NR1I3: variants seen among roughly 807,000 people sequenced by gnomAD.
NR1I3 encodes the protein constitutive activator of retinoid response.
In NR1I3, 30 loss-of-function variants were observed where a neutral mutation model predicts 38.4. The observed-to-expected ratio is 0.78, with a 90% confidence interval of 0.58 to 1.06. The LOEUF is 1.06. NR1I3 is among the 50% of genes least tolerant of loss of function. The pLI is 0.00. For synonymous variants in NR1I3, 143 were observed against 165.1 expected, an observed-to-expected ratio of 0.87 and a Z score of 1.03; for missense variants, 388 against 435.7, an observed-to-expected ratio of 0.89 and a Z score of 0.97.
intron 4 of NR1I3, 105 bp downstream of exon 4, chr1:161,233,064 G>T: frequency 6.3e-7 from 1 of 1,576,330 alleles, no homozygotes; most frequent in Non-Finnish European, 8.7e-7. Flanking sequence ...GGGTTCTGGA[G>T]ATCTGTTCTC....
intron 3 of NR1I3, among the ~76,000 whole-genome samples, chr1:161,234,233 C>T (rs1668119685): frequency 2.0e-5 from 3 of 151,464 alleles, no homozygotes; most frequent in African/African-American, 4.9e-5. Flanking sequence ...GAACTCCTGA[C>T]CTCAAGTGAT....
chr1:161,232,673 C>T, intron 5 of NR1I3, 134 bp downstream of exon 5: 2 of 883,252 alleles, frequency 2.3e-6, no homozygotes, highest in South Asian at 3.1e-5. Flanking sequence ...ACATTTAAAA[C>T]CAAAGCTGGG....
At chr1:161,232,290 A>C (rs1000251589) in intron 5 of NR1I3, among the ~76,000 whole-genome samples, 1 of 149,806 alleles carries the variant, frequency 6.7e-6, no homozygotes, top group African/African-American at 2.5e-5. Context: ...CTGGCCTATT[A>C]TTATTATTTT....
intron 2 of NR1I3, chr1:161,236,204 G>T: frequency 1.6e-6 from 1 of 639,886 alleles, no homozygotes; most frequent in South Asian, 2.0e-5. Flanking sequence ...TGCTTCACAG[G>T]CAGTGGGTAC....
chr1:161,232,334 G>C (rs1490801935), intron 5 of NR1I3, among the ~76,000 whole-genome samples: 1 of 151,916 alleles, frequency 6.6e-6, no homozygotes. Flanking sequence ...GTCTCACTCT[G>C]TCACCCAGGC....
In NR1I3 at chr1:161,236,569, G is replaced by A. The variant is rs768587526; in HGVS notation, c.-4C>T. The stretch of plus-strand genomic sequence containing the variant: ...GCTCATCTTCCCTACTGGCCATGAC[G>A]TCACGTGTTGGGGTGGCTGTCACAG... On this transcript the variant is annotated 5_prime_UTR_variant, in exon 2 of 9. It adds an upstream start codon to the 5' untranslated region. Coordinates refer to ENST00000367983, the MANE Select transcript of NR1I3 (RefSeq NM_005122.5). 1.2e-5 allele frequency: 20 copies of A among 1,614,006 alleles called. No homozygotes were observed. The highest frequency in any genetic ancestry group is 3.3e-5 in the South Asian group (3 of 91,076).
chr1:161,234,374 A>C (rs768954267), intron 3 of NR1I3, among the ~76,000 whole-genome samples: 101 of 152,292 alleles, frequency 6.6e-4, no homozygotes, highest in South Asian at 2.7e-3. Flanking sequence ...AATAAGTAAT[A>C]TAGATTGAAT....
intron 5 of NR1I3, among the ~76,000 whole-genome samples, chr1:161,231,979 A>G (rs1187515050): frequency 1.3e-5 from 2 of 150,416 alleles, no homozygotes; most frequent in African/African-American, 2.4e-5. Context: ...GCACCTTATT[A>G]TTATTCTTAT....
rs779169935 is a variant in NR1I3, at chr1:161,236,537, T to A, written c.29A>T (p.Asn10Ile). 1.2e-6 allele frequency: 2 copies of A among 1,614,034 alleles called. No individual in the cohort carries two copies. The highest frequency in any genetic ancestry group is 1.3e-5 in the African/African-American group (1 of 75,010). Reference protein sequence around the residue: MASREDELRNCVVCGDQATG... With the variant: MASREDELRICVVCGDQATG... ...GGCTTGGTCCCCACATACCACACAG[T>A]TCCTCAGCTCATCTTCCCTACTGGC... Residue 10 changes from asparagine to isoleucine, a missense_variant, in exon 2 of 9, where the codon AAC becomes ATC. Coordinates refer to ENST00000367983, the MANE Select transcript of NR1I3 (RefSeq NM_005122.5).
Position 161,232,873 on chromosome 1 carries a change from A to T in NR1I3, c.482T>A (p.Phe161Tyr). The change falls in exon 5 of 9, where the codon TTC becomes TAC. Residue 161 changes from phenylalanine (F) to tyrosine (Y), a missense_variant. Coordinates refer to ENST00000367983, the MANE Select transcript of NR1I3 (RefSeq NM_005122.5). ...TACCATGAAAGTGTTGATGTCTGCG[A>T]AGTGTGTGACCAGAGGCAGCACAGG... ...LAPVLPLVTH[F>Y]ADINTFMVLQ... 6.2e-7 allele frequency: 1 copy of T among 1,614,240 alleles called. No individual in the cohort carries two copies. The highest frequency in any genetic ancestry group is 8.5e-7 in the Non-Finnish European group (1 of 1,180,034).
At chr1:161,236,406 C>T (rs1398956625) in intron 2 of NR1I3, 53 bp downstream of exon 2, 1 of 1,607,534 alleles carries the variant, frequency 6.2e-7, no homozygotes, top group Admixed American at 1.7e-5. Context: ...TAAAGGCTGA[C>T]TAATAGGGAG....
rs773552182 is a variant in NR1I3 at position 161,235,997 on chromosome 1, T to C, written c.108-20A>G. On this transcript the variant is annotated intron_variant, in intron 2 of 8. Coordinates refer to ENST00000367983, the MANE Select transcript of NR1I3 (RefSeq NM_005122.5). ...GTTCTCCTGTGAGACACAGAGATGTTGTTAGAGTCTGGGATGCAATGGATA... is the reference window on the plus strand; with the variant it reads ...GTTCTCCTGTGAGACACAGAGATGTCGTTAGAGTCTGGGATGCAATGGATA... The C allele has an allele frequency of 6.4e-7, 1 of 1,567,554 alleles. No homozygotes were observed. The highest frequency in any genetic ancestry group is 8.6e-7 in the Non-Finnish European group (1 of 1,158,480).
chr1:161,234,920 G>A (rs1046202973), intron 3 of NR1I3, among the ~76,000 whole-genome samples: 7 of 152,046 alleles, frequency 4.6e-5, no homozygotes, highest in South Asian at 2.1e-4. Flanking sequence ...TGGGCAGATC[G>A]CCTGAGGCCA....
At chr1:161,231,992 ATTAAT>A (rs1264488809) in intron 5 of NR1I3, among the ~76,000 whole-genome samples, 1 of 150,672 alleles carries the variant, frequency 6.6e-6, no homozygotes, top group Admixed American at 6.6e-5. Context: ...ATTCTTATTA[ATTAAT>A]TTATTTTTGA....
chr1:161,233,698 A>C (rs942230910), intron 3 of NR1I3, among the ~76,000 whole-genome samples: 1 of 152,012 alleles, frequency 6.6e-6, no homozygotes, highest in Non-Finnish European at 1.5e-5. Context: ...GTTTTCAAAT[A>C]ATCCTTCAAA....
In NR1I3 at chr1:161,230,862, G is replaced by A. The variant is rs1018707764; in HGVS notation, c.868C>T (p.Leu290=). The change falls in exon 8 of 9, where the codon CTG becomes TTG. Residue 290 remains leucine, a synonymous_variant. Transcript: ENST00000367983. ...CCCTTGATGTAGCTTTGCAGAGTCA[G>A]TGCCATCTCCTCTTGCAGCTGATCA... is the stretch of plus-strand genomic sequence containing the variant. ...EIDQLQEEMA[L]TLQSYIKGQQ... 1.3e-5 allele frequency: 21 copies of A among 1,614,060 alleles called. No individual in the cohort carries two copies. The highest frequency in any genetic ancestry group is 4.0e-5 in the African/African-American group (3 of 74,932).
chr1:161,235,994 T>A lies in NR1I3; in HGVS notation c.108-17A>T. On this transcript the variant is annotated splice_polypyrimidine_tract_variant and intron_variant, in intron 2 of 8. Transcript: ENST00000367983. ...ACTGTTCTCCTGTGAGACACAGAGA[T>A]GTTGTTAGAGTCTGGGATGCAATGG... 1 of 1,572,842 alleles carries A rather than the reference T, an allele frequency of 6.4e-7. No homozygotes were observed. Among genetic ancestry groups the A allele is most frequent in the Non-Finnish European group, 8.6e-7 (1 of 1,160,682 alleles).
chr1:161,230,013 C>CT, intron 8 of NR1I3, 87 bp from the exon 9 acceptor site: 1 of 1,506,826 alleles, frequency 6.6e-7, no homozygotes, highest in Non-Finnish European at 9.1e-7. Context: ...ATCCCCTGAA[C>CT]TATTCCTCAG....
At chr1:161,234,150 G>A (rs959202160) in intron 3 of NR1I3, among the ~76,000 whole-genome samples, 13 of 149,894 alleles carry the variant, frequency 8.7e-5, no homozygotes, top group East Asian at 1.9e-4. Context: ...CCACCATCAC[G>A]CCCTGCTAAT....
Sources: allele counts gnomAD v4.1 joint callset (sites outside exome capture counted in the v4.1 genomes callset), GRCh38; gene constraint gnomAD v4.1.1; transcripts MANE v1.5; gene names NCBI Gene and HGNC (gene_info 2026-07-23, HGNC 2026-07-21).